TAS2R1: variants seen among roughly 807,000 people sequenced by gnomAD.
TAS2R1 encodes taste receptor type 2 member 1.
For missense variants in TAS2R1, 370 were observed against 353.4 expected (o/e 1.05, Z -0.38); for synonymous variants, 141 against 134.2 (o/e 1.05, Z -0.35).
chr5:9,832,138 T>G, the TAS2R1 span, among the ~76,000 whole-genome samples: 1 of 152,224 alleles, frequency 6.6e-6, no homozygotes, highest in Admixed American at 6.5e-5. Context: ...CTGGGTCTTA[T>G]AGTTCAGTAA....
chr5:9,719,446 C>G, the TAS2R1 span, among the ~76,000 whole-genome samples: 2 of 152,218 alleles, frequency 1.3e-5, no homozygotes, highest in Non-Finnish European at 2.9e-5. Context: ...CTCCCCACTT[C>G]CTCGCTTTTG....
chr5:9,761,490 G>C, the TAS2R1 span, among the ~76,000 whole-genome samples: 1 of 150,550 alleles, frequency 6.6e-6, no homozygotes, highest in South Asian at 2.1e-4. Context: ...TAAAATAAAA[G>C]ACTTAAATCT....
the TAS2R1 span, chr5:9,854,310 C>T: frequency 6.6e-6 from 1 of 151,958 alleles, no homozygotes; most frequent in Admixed American, 6.6e-5. Context: ...TAGGGCCTCA[C>T]CTGCTCCATT....
Position 9,629,735 on chromosome 5 carries a change from C to A in TAS2R1, c.298G>T (p.Gly100Cys). Residue 100 changes from glycine (G) to cysteine (C), a missense_variant, in exon 1 of 1, where the codon GGC (glycine) becomes TGC (cysteine). Transcript: ENST00000382492. ...ELELWLATWL[G>C]VFYCAKVASV... ...GCAACCTTGGCACAATAGAAAACGC[C>A]GAGCCATGTGGCAAGCCAAAGTTCC... The A allele has an allele frequency of 6.2e-7, 1 of 1,613,860 alleles. No individual in the cohort carries two copies. The highest frequency in any genetic ancestry group is 8.5e-7 in the Non-Finnish European group (1 of 1,179,934).
chr5:9,876,233 C>T, the TAS2R1 span, among the ~76,000 whole-genome samples: 2 of 147,170 alleles, frequency 1.4e-5, no homozygotes, highest in African/African-American at 2.5e-5. Context: ...GGACGACAAA[C>T]CAAAAAAAAA....
upstream of TAS2R1, chr5:9,712,226 G>C (rs991236458): frequency 8.5e-5 from 13 of 152,296 alleles, no homozygotes; most frequent in African/African-American, 3.1e-4. Flanking sequence ...CAGGGCAGTG[G>C]TGCTTCATAG....
intron 2 of TAS2R1, among the ~76,000 whole-genome samples, chr5:9,653,507 GT>G (rs1740350753): frequency 6.6e-6 from 1 of 152,120 alleles, no homozygotes; most frequent in Non-Finnish European, 1.5e-5. Context: ...TGACCCTATT[GT>G]CAGGCTTTTT....
the TAS2R1 span, among the ~76,000 whole-genome samples, chr5:9,744,181 T>A: frequency 6.6e-6 from 1 of 152,162 alleles, no homozygotes; most frequent in African/African-American, 2.4e-5. Flanking sequence ...AAGGCCAGAC[T>A]CTGGAAAACA....
chr5:9,852,279 G>T, the TAS2R1 span, among the ~76,000 whole-genome samples: 1 of 147,284 alleles, frequency 6.8e-6, no homozygotes, highest in Non-Finnish European at 1.5e-5. Context: ...TCCACTAGTT[G>T]TTTTTTTTTT....
At chr5:9,745,448 T>A in the TAS2R1 span, among the ~76,000 whole-genome samples, 1 of 151,860 alleles carries the variant, frequency 6.6e-6, no homozygotes, top group African/African-American at 2.4e-5. Context: ...ACACCCAGGG[T>A]AGCATAGCCA....
chr5:9,860,164 A>G, the TAS2R1 span, among the ~76,000 whole-genome samples: 1 of 152,236 alleles, frequency 6.6e-6, no homozygotes, highest in Non-Finnish European at 1.5e-5. Flanking sequence ...ACCATGATCC[A>G]GTGGGCAAAT....
chr5:9,713,277 C>A (rs894599014), upstream of TAS2R1: 2 of 152,096 alleles, frequency 1.3e-5, no homozygotes, highest in African/African-American at 2.4e-5. Context: ...CTGAGGAGGA[C>A]AAACATAATA....
chr5:9,724,023 T>C, the TAS2R1 span, among the ~76,000 whole-genome samples: 1 of 152,206 alleles, frequency 6.6e-6, no homozygotes, highest in African/African-American at 2.4e-5. Flanking sequence ...GGGGATGTAG[T>C]TGAGAATTGC....
the TAS2R1 span, among the ~76,000 whole-genome samples, chr5:9,725,713 G>A: frequency 3.3e-5 from 5 of 152,232 alleles, no homozygotes; most frequent in African/African-American, 1.2e-4. Flanking sequence ...GAGGAGTGCA[G>A]GCACACGGCA....
chr5:9,718,440 CAG>C, the TAS2R1 span, among the ~76,000 whole-genome samples: 2 of 151,990 alleles, frequency 1.3e-5, no homozygotes, highest in East Asian at 3.9e-4. Context: ...TTAAAAGAAA[CAG>C]ATACATGGCC....
intron 1 of TAS2R1, among the ~76,000 whole-genome samples, chr5:9,674,718 T>C (rs948998643): frequency 6.6e-6 from 1 of 152,156 alleles, no homozygotes; most frequent in Admixed American, 6.5e-5. Context: ...ACTTTCTTAA[T>C]TAGACTACTA....
At chr5:9,767,150 T>C in the TAS2R1 span, among the ~76,000 whole-genome samples, 1 of 151,946 alleles carries the variant, frequency 6.6e-6, no homozygotes, top group Non-Finnish European at 1.5e-5. Flanking sequence ...GCCTATCATT[T>C]CCTCCTCCAA....
chr5:9,668,485 A>G (rs1444409709), intron 1 of TAS2R1, among the ~76,000 whole-genome samples: 2 of 152,140 alleles, frequency 1.3e-5, no homozygotes, highest in Non-Finnish European at 2.9e-5. Context: ...AAAATGAAAG[A>G]AAAAAATGTT....
intron 1 of TAS2R1, among the ~76,000 whole-genome samples, chr5:9,695,783 G>A (rs114186171): frequency 0.023 from 3,559 of 152,204 alleles, 62 homozygotes; most frequent in Non-Finnish European, 0.036. Flanking sequence ...ACGGCAACTG[G>A]AGCCTGACTC....
Sources: gnomAD v4.1 joint callset for allele counts (sites outside exome capture counted in the v4.1 genomes callset) on GRCh38, gnomAD v4.1.1 for gene constraint, MANE v1.5 for transcripts, NCBI Gene and HGNC (gene_info 2026-07-23, HGNC 2026-07-21) for gene names.